Variants in SSBP2 observed in about 807,000 individuals in gnomAD.
SSBP2 encodes single-stranded DNA-binding protein 2.
In SSBP2, 17 loss-of-function variants were observed where a neutral mutation model predicts 61.8. The observed-to-expected ratio is 0.28, with a 90% CI of 0.19 to 0.41. The LOEUF (loss-of-function observed/expected upper bound fraction) is 0.41, where lower values mean the gene tolerates loss of function less well. Ranked by LOEUF, SSBP2 falls within the 10% of genes least tolerant of loss-of-function variation. SSBP2 has a pLI of 1.00. For missense variants in SSBP2, 310 were observed against 458.7 expected (o/e 0.68, Z 2.96); for synonymous variants, 139 against 141.3 (o/e 0.98, Z 0.12).
At chr5:81,503,488 C>CT (rs759108685) in intron 5 of SSBP2, among the ~76,000 whole-genome samples, 2 of 151,958 alleles carry the variant, frequency 1.3e-5, no homozygotes, top group Admixed American at 6.6e-5. Flanking sequence ...AAAATGGATG[C>CT]TGGCAAGGTT....
intron 1 of SSBP2, among the ~76,000 whole-genome samples, chr5:81,711,770 C>G (rs965429837): frequency 8.6e-5 from 13 of 151,730 alleles, no homozygotes; most frequent in African/African-American, 1.2e-4. Flanking sequence ...TAATGGTTAA[C>G]AGTGTGGGTT....
rs1561459572 is a variant in SSBP2 at position 81,488,059 on chromosome 5, A to ATATTATATATATACATTATATATAT, written c.432+1190_432+1191insATATATATAATGTATATATATAATA. On this transcript the variant is annotated intron_variant, in intron 6 of 16. Coordinates refer to ENST00000320672, the MANE Select transcript of SSBP2 (RefSeq NM_012446.5). ...TATATATATATATATATATATATATAAATAAAATATCATATATTATATATA... is the reference window on the plus strand; with the variant it reads ...TATATATATATATATATATATATATATATTATATATATACATTATATATATAATAAAATATCATATATTATATATA... 5.9e-3 allele frequency among the ~76,000 whole-genome samples: 382 copies of ATATTATATATATACATTATATATAT among 65,170 alleles called. 17 individuals are homozygous for ATATTATATATATACATTATATATAT. The highest frequency in any genetic ancestry group is 8.3e-3 in the Non-Finnish European group (297 of 35,672). The allele number at this position is 65,170 out of a possible 152,430, so 42.8% of individuals were successfully genotyped here.
At chr5:81,435,623 C>T (rs1198489103) in intron 15 of SSBP2, among the ~76,000 whole-genome samples, 1 of 152,148 alleles carries the variant, frequency 6.6e-6, no homozygotes, top group African/African-American at 2.4e-5. Context: ...TAGAAGATGG[C>T]ATTTAATTAA....
At chr5:81,554,887 G>C (rs1358816215) in intron 4 of SSBP2, among the ~76,000 whole-genome samples, 1 of 152,008 alleles carries the variant, frequency 6.6e-6, no homozygotes, top group Non-Finnish European at 1.5e-5. Flanking sequence ...TTTCTCTTCT[G>C]TTTCAATGAC....
intron 4 of SSBP2, among the ~76,000 whole-genome samples, chr5:81,593,632 T>C (rs2917541): frequency 0.24 from 37,155 of 152,134 alleles, 6,033 homozygotes; most frequent in East Asian, 0.69. Flanking sequence ...ATCAGACTAA[T>C]AGCGGATCTC....
intron 4 of SSBP2, among the ~76,000 whole-genome samples, chr5:81,523,474 G>A (rs1769653467): frequency 6.6e-6 from 1 of 151,922 alleles, no homozygotes; most frequent in Admixed American, 6.6e-5. Context: ...CCAAATAGTA[G>A]GTGCCTTCTA....
chr5:81,670,495 G>A (rs1033605104), intron 1 of SSBP2, among the ~76,000 whole-genome samples: 12 of 151,858 alleles, frequency 7.9e-5, no homozygotes, highest in African/African-American at 2.9e-4. Flanking sequence ...TTTTCCTCAA[G>A]TACAGATGAA....
chr5:81,584,095 G>T (rs1774887540), intron 4 of SSBP2, among the ~76,000 whole-genome samples: 2 of 152,150 alleles, frequency 1.3e-5, no homozygotes, highest in South Asian at 4.1e-4. Context: ...AATCTGGAGA[G>T]AAGACAATAA....
In SSBP2 at chr5:81,412,810, G is replaced by A. The variant is rs930531864; in HGVS notation, c.*7694C>T. On this transcript the variant is annotated 3_prime_UTR_variant, in exon 17 of 17. Coordinates refer to ENST00000320672, the MANE Select transcript of SSBP2 (RefSeq NM_012446.5). The stretch of plus-strand genomic sequence containing the variant: ...CACATTATGTATAGTCATATTTGCA[G>A]TAAAATACCAAAGTTTAATTCATTA... Among the ~76,000 whole-genome samples, 3 of 152,136 alleles carry A rather than the reference G, an allele frequency of 2.0e-5. No individual in the cohort carries two copies. The highest frequency in any genetic ancestry group is 7.2e-5 in the African/African-American group (3 of 41,424).
At position 81,749,583 on chromosome 5, in the gene SSBP2, G is replaced by A. The variant is rs148875981; in HGVS notation, c.62+1398C>T. Among the ~76,000 whole-genome samples, 537 of 152,154 alleles carry A rather than the reference G, an allele frequency of 3.5e-3. 2 individuals carry two copies. Among genetic ancestry groups the A allele is most frequent in the African/African-American group, 0.012 (488 of 41,510 alleles). ...TCTCTGGTCTGAACCCCCTCAGAAA[G>A]ACAGGGTGCGTTCAACGACAAGGAT... On this transcript the variant is annotated intron_variant, in intron 1 of 16. Coordinates refer to ENST00000320672, the MANE Select transcript of SSBP2 (RefSeq NM_012446.5).
intron 2 of SSBP2, 71 bp downstream of exon 2, chr5:81,650,196 A>C: frequency 9.0e-7 from 1 of 1,111,674 alleles, no homozygotes; most frequent in Non-Finnish European, 1.3e-6. Context: ...TTTTTCAAAT[A>C]ATTATTATAG....
At chr5:81,516,930 A>T (rs919966960) in intron 4 of SSBP2, among the ~76,000 whole-genome samples, 1 of 152,096 alleles carries the variant, frequency 6.6e-6, no homozygotes, top group Non-Finnish European at 1.5e-5. Context: ...TGATCCACAG[A>T]AAGTTGTTGT....
intron 3 of SSBP2, among the ~76,000 whole-genome samples, chr5:81,618,048 T>C: frequency 9.0e-6 from 1 of 111,234 alleles, no homozygotes; most frequent in African/African-American, 3.1e-5. Context: ...CATCAACCAA[T>C]GAGCAAAATC....
chr5:81,731,876 A>G (rs1363287279), intron 1 of SSBP2, among the ~76,000 whole-genome samples: 1 of 151,414 alleles, frequency 6.6e-6, no homozygotes. Flanking sequence ...TAACTTAAAC[A>G]GAGAAATGAA....
chr5:81,671,633 TAGTAAGC>T (rs1212842399), intron 1 of SSBP2, among the ~76,000 whole-genome samples: 2 of 152,114 alleles, frequency 1.3e-5, no homozygotes, highest in Non-Finnish European at 2.9e-5. Context: ...ATCAACAGTT[TAGTAAGC>T]TTCTATTAAT....
intron 4 of SSBP2, among the ~76,000 whole-genome samples, chr5:81,597,023 A>T (rs905148854): frequency 2.6e-5 from 4 of 152,162 alleles, no homozygotes; most frequent in African/African-American, 9.7e-5. Context: ...TCTGCACAGC[A>T]AAAGAAACTA....
chr5:81,631,325 G>C (rs1747693998), intron 3 of SSBP2, among the ~76,000 whole-genome samples: 1 of 152,106 alleles, frequency 6.6e-6, no homozygotes, highest in African/African-American at 2.4e-5. Flanking sequence ...CATGCTTTCA[G>C]GAGAAAGATT....
chr5:81,613,421 T>G (rs183296273), intron 4 of SSBP2, among the ~76,000 whole-genome samples: 1 of 152,302 alleles, frequency 6.6e-6, no homozygotes, highest in Non-Finnish European at 1.5e-5. Context: ...TGTGAATACT[T>G]TGAAATTTTC....
At chr5:81,656,940 C>G (rs1159633838) in intron 1 of SSBP2, among the ~76,000 whole-genome samples, 1 of 151,962 alleles carries the variant, frequency 6.6e-6, no homozygotes, top group African/African-American at 2.4e-5. Flanking sequence ...ATAGTATGCT[C>G]TCATCTGTAT....
Sources: allele counts gnomAD v4.1 joint callset (sites outside exome capture counted in the v4.1 genomes callset), GRCh38; gene constraint gnomAD v4.1.1; transcripts MANE v1.5; gene names NCBI Gene and HGNC (gene_info 2026-07-23, HGNC 2026-07-21).